FABP7: variants seen among roughly 807,000 people sequenced by gnomAD.
FABP7 encodes the protein fatty acid-binding protein, brain.
Under a neutral mutation model 14.2 loss-of-function variants are expected in FABP7, and 13 were observed. That is an observed-to-expected ratio of 0.91 (90% CI 0.59 to 1.45). The LOEUF is 1.45. Among genes scored for constraint, FABP7 ranks in the 40% most tolerant of loss-of-function variants. The pLI is 0.00. For synonymous variants in FABP7, 49 were observed against 51.4 expected (o/e 0.95, Z 0.20); for missense variants, 149 against 157.6 (o/e 0.95, Z 0.29).
At chr6:122,754,113 G>A in the FABP7 span, among the ~76,000 whole-genome samples, 5 of 152,136 alleles carry the variant, frequency 3.3e-5, no homozygotes, top group African/African-American at 1.2e-4. Flanking sequence ...CTATTCTCCT[G>A]CCTCAGGTAC....
chr6:122,752,370 T>C, the FABP7 span, among the ~76,000 whole-genome samples: 8 of 152,284 alleles, frequency 5.3e-5, no homozygotes, highest in African/African-American at 1.9e-4. Flanking sequence ...CACTCTGTGG[T>C]TCTATGGGTA....
the FABP7 span, among the ~76,000 whole-genome samples, chr6:122,770,457 G>A: frequency 7.2e-5 from 11 of 152,218 alleles, no homozygotes; most frequent in South Asian, 2.1e-4. Flanking sequence ...GGAATTAGTA[G>A]TAGCATCAGT....
the FABP7 span, among the ~76,000 whole-genome samples, chr6:122,767,252 T>C: frequency 6.6e-6 from 1 of 152,100 alleles, no homozygotes; most frequent in African/African-American, 2.4e-5. Context: ...AAAATGATAG[T>C]ACCATATATA....
chr6:122,771,223 T>C, the FABP7 span, among the ~76,000 whole-genome samples: 1 of 152,162 alleles, frequency 6.6e-6, no homozygotes, highest in Non-Finnish European at 1.5e-5. Flanking sequence ...GCGGTGGTGT[T>C]CTGGGAGTAT....
the FABP7 span, among the ~76,000 whole-genome samples, chr6:122,757,274 A>G: frequency 6.6e-6 from 1 of 152,300 alleles, no homozygotes; most frequent in South Asian, 2.1e-4. Flanking sequence ...GCTAAGTGGA[A>G]TTACAATTCA....
At chr6:122,781,621 T>G (rs1420698189) in intron 3 of FABP7, 1 of 1,107,084 alleles carries the variant, frequency 9.0e-7, no homozygotes, top group Non-Finnish European at 1.1e-6. Flanking sequence ...AAGAGATCTT[T>G]AAACAGTTTA....
chr6:122,775,688 A>C (rs1780659467), upstream of FABP7, among the ~76,000 whole-genome samples: 1 of 91,420 alleles, frequency 1.1e-5, no homozygotes, highest in Non-Finnish European at 2.9e-5. Flanking sequence ...AAACCTCTTC[A>C]CAACAACAAC....
At chr6:122,764,800 C>G in the FABP7 span, among the ~76,000 whole-genome samples, 1 of 152,056 alleles carries the variant, frequency 6.6e-6, no homozygotes, top group African/African-American at 2.4e-5. Context: ...AAGTGTTTGC[C>G]ATTGTTCAGA....
chr6:122,777,537 C>G (rs1252069065), upstream of FABP7, among the ~76,000 whole-genome samples: 1 of 152,154 alleles, frequency 6.6e-6, no homozygotes, highest in Admixed American at 6.5e-5. Flanking sequence ...AAAACAGACT[C>G]TTTGTGTCAA....
the FABP7 span, among the ~76,000 whole-genome samples, chr6:122,751,500 T>C: frequency 4.6e-5 from 7 of 152,246 alleles, no homozygotes; most frequent in African/African-American, 1.7e-4. Flanking sequence ...TCCACATAGT[T>C]ACTACCACAT....
the FABP7 span, among the ~76,000 whole-genome samples, chr6:122,772,605 G>A: frequency 6.6e-6 from 1 of 152,106 alleles, no homozygotes; most frequent in Non-Finnish European, 1.5e-5. Flanking sequence ...TTTCAGTAGA[G>A]AAGGGATTTC....
At position 122,783,831 on chromosome 6, in the gene FABP7, T is replaced by C; in HGVS notation, c.*64T>C. The C allele has an allele frequency of 7.8e-7, 1 of 1,288,054 alleles. No homozygotes were observed. Among genetic ancestry groups the C allele is most frequent in the Admixed American group, 1.9e-5 (1 of 53,378 alleles). The allele number at this position is 1,288,054 out of a possible 1,614,324, so 79.8% of individuals were successfully genotyped here. On this transcript the variant is annotated 3_prime_UTR_variant, in exon 4 of 4. Coordinates refer to ENST00000368444, the MANE Select transcript of FABP7 (RefSeq NM_001446.5). The stretch of plus-strand genomic sequence containing the variant: ...TTTCTGTTTCCTCAAGTCTCAGTGC[T>C]ATCCTATTACAACATGGCTGATCAT...
At chr6:122,777,093 A>T (rs1180349118), upstream of FABP7, among the ~76,000 whole-genome samples, 2 of 152,228 alleles carry the variant, frequency 1.3e-5, no homozygotes, top group East Asian at 3.8e-4. Context: ...GTGATCTATA[A>T]AGGGCTAAGA....
At chr6:122,765,610 A>G in the FABP7 span, among the ~76,000 whole-genome samples, 4 of 152,018 alleles carry the variant, frequency 2.6e-5, no homozygotes, top group Non-Finnish European at 5.9e-5. Context: ...GTTCTCTTCA[A>G]ACAATGGCAT....
the FABP7 span, among the ~76,000 whole-genome samples, chr6:122,755,539 T>C: frequency 5.7e-3 from 856 of 150,926 alleles, 6 homozygotes; most frequent in African/African-American, 0.02. Context: ...CTGCAAGCTC[T>C]GCCTCCCGGG....
At chr6:122,770,841 T>C in the FABP7 span, among the ~76,000 whole-genome samples, 1 of 152,178 alleles carries the variant, frequency 6.6e-6, no homozygotes, top group Middle Eastern at 3.2e-3. Context: ...GTGTGATGGA[T>C]GGGGTGTGGT....
chr6:122,758,105 C>CTTT, the FABP7 span, among the ~76,000 whole-genome samples: 30,704 of 118,072 alleles, frequency 0.26, 4,801 homozygotes, highest in Non-Finnish European at 0.35. Context: ...TATTATCTAG[C>CTTT]TTTTTTTTTT....
chr6:122,771,055 A>G, the FABP7 span, among the ~76,000 whole-genome samples: 3 of 152,206 alleles, frequency 2.0e-5, no homozygotes, highest in Admixed American at 2.0e-4. Context: ...GATTCAGCCC[A>G]TATGGTGTGG....
At chr6:122,751,749 GA>G in the FABP7 span, among the ~76,000 whole-genome samples, 5 of 152,130 alleles carry the variant, frequency 3.3e-5, no homozygotes, top group African/African-American at 1.2e-4. Context: ...CCAAATTTAA[GA>G]AGGATTTCTA....
Sources: allele counts gnomAD v4.1 joint callset (sites outside exome capture counted in the v4.1 genomes callset), GRCh38; gene constraint gnomAD v4.1.1; transcripts MANE v1.5; gene names NCBI Gene and HGNC (gene_info 2026-07-23, HGNC 2026-07-21).